Variants in TXNRD1 observed in about 807,000 individuals in gnomAD.
The protein encoded by TXNRD1 is thioredoxin reductase 1, cytoplasmic.
In TXNRD1, 57 loss-of-function variants were observed where a neutral mutation model predicts 80.3. The observed-to-expected ratio is 0.71, with a 90% confidence interval of 0.57 to 0.89. The LOEUF is 0.89. TXNRD1 is among the 40% of genes least tolerant of loss of function. The pLI is 0.00. For missense variants in TXNRD1, 730 were observed against 803.0 expected (o/e 0.91, Z 1.10); for synonymous variants, 291 against 285.2 (o/e 1.02, Z -0.20).
chr12:104,311,231 C>G, intron 4 of TXNRD1, 59 bp from the exon 5 acceptor site: 1 of 1,496,520 alleles, frequency 6.7e-7, no homozygotes, highest in South Asian at 1.3e-5. Flanking sequence ...TCTTACAAAG[C>G]TTTTTGGACA....
intron 4 of TXNRD1, among the ~76,000 whole-genome samples, chr12:104,293,858 G>C (rs562994071): frequency 6.6e-6 from 1 of 152,200 alleles, no homozygotes; most frequent in South Asian, 2.1e-4. Context: ...AAGGCAGAAG[G>C]GGCAGGGTAA....
chr12:104,312,350 C>T (rs1464223944), intron 5 of TXNRD1, among the ~76,000 whole-genome samples: 1 of 152,154 alleles, frequency 6.6e-6, no homozygotes, highest in Non-Finnish European at 1.5e-5. Flanking sequence ...GTGAGGACCC[C>T]TTGGGCCTGT....
At chr12:104,346,493 C>A (rs574282343) in intron 16 of TXNRD1, among the ~76,000 whole-genome samples, 1 of 152,286 alleles carries the variant, frequency 6.6e-6, no homozygotes, top group Non-Finnish European at 1.5e-5. Context: ...CCCAGGCTTG[C>A]AAATTGATAA....
At chr12:104,251,410 C>T in intron 1 of TXNRD1, 117 bp from the exon 2 acceptor site, 1 of 1,032,144 alleles carries the variant, frequency 9.7e-7, no homozygotes, top group East Asian at 2.6e-5. Flanking sequence ...CCTCAGATTC[C>T]TTATTTTGGC....
At chr12:104,345,545 A>C (rs1314895086) in intron 16 of TXNRD1, among the ~76,000 whole-genome samples, 1 of 152,214 alleles carries the variant, frequency 6.6e-6, no homozygotes, top group African/African-American at 2.4e-5. Context: ...CTGGGGCATT[A>C]GCAATGCATT....
intron 3 of TXNRD1, chr12:104,262,246 A>AG (rs1234682328): frequency 6.6e-6 from 1 of 151,480 alleles, no homozygotes; most frequent in East Asian, 1.9e-4. Flanking sequence ...AAAAAAAAAA[A>AG]AAAAAAAAAA....
Position 104,289,056 on chromosome 12 carries a change from GT to G in TXNRD1, c.414+17del. The G allele has an allele frequency of 6.2e-7, 1 of 1,606,450 alleles. No individual in the cohort carries two copies. Among genetic ancestry groups the G allele is most frequent in the South Asian group, 1.1e-5 (1 of 90,928 alleles). ...AACCTTGAAGGTAGGAGAGAGTAAC[GT>G]ATCTTTTTAAACGGGGGATGAGCTC... On this transcript the variant is annotated intron_variant, in intron 4 of 16. Coordinates refer to ENST00000525566, the MANE Select transcript of TXNRD1 (RefSeq NM_001093771.3).
At chr12:104,283,318 C>A (rs1334382112) in intron 3 of TXNRD1, among the ~76,000 whole-genome samples, 1 of 151,972 alleles carries the variant, frequency 6.6e-6, no homozygotes, top group African/African-American at 2.4e-5. Context: ...ATGGCATGAT[C>A]TCGGCTCACC....
chr12:104,286,736 C>T, intron 3 of TXNRD1: 1 of 1,016,664 alleles, frequency 9.8e-7, no homozygotes, highest in Non-Finnish European at 1.2e-6. Flanking sequence ...TGCCTTAGGG[C>T]ATAGTCTAAT....
chr12:104,347,900 A>T (rs1360881966), intron 16 of TXNRD1, among the ~76,000 whole-genome samples: 2 of 141,956 alleles, frequency 1.4e-5, no homozygotes, highest in Non-Finnish European at 3.3e-5. Context: ...AAAGCTTCTT[A>T]AAAAAACAAG....
intron 12 of TXNRD1, 79 bp from the exon 13 acceptor site, chr12:104,327,435 TC>T: frequency 6.9e-7 from 1 of 1,441,724 alleles, no homozygotes; most frequent in Non-Finnish European, 9.3e-7. Context: ...ATTTTGGGCT[TC>T]CCTGAAAAAA....
intron 4 of TXNRD1, among the ~76,000 whole-genome samples, chr12:104,308,727 G>A (rs1014544063): frequency 1.3e-5 from 2 of 151,998 alleles, no homozygotes; most frequent in Non-Finnish European, 2.9e-5. Context: ...GGAGGAGGAT[G>A]GGGGAATTTT....
At chr12:104,261,636 A>C (rs2033370680) in intron 3 of TXNRD1, among the ~76,000 whole-genome samples, 1 of 152,218 alleles carries the variant, frequency 6.6e-6, no homozygotes, top group Non-Finnish European at 1.5e-5. Context: ...TACTTCTGCC[A>C]AAACAACGTA....
chr12:104,308,416 A>G (rs547145683), intron 4 of TXNRD1, among the ~76,000 whole-genome samples: 1 of 152,254 alleles, frequency 6.6e-6, no homozygotes, highest in Non-Finnish European at 1.5e-5. Context: ...GTTGTCAGAC[A>G]TTAAAGAGAA....
chr12:104,259,920 C>T (rs2033330226), intron 3 of TXNRD1, among the ~76,000 whole-genome samples: 1 of 152,204 alleles, frequency 6.6e-6, no homozygotes, highest in South Asian at 2.1e-4. Context: ...GTGTTAGTCC[C>T]TGTTTTACAT....
intron 1 of TXNRD1, among the ~76,000 whole-genome samples, chr12:104,236,703 C>T (rs1021070442): frequency 8.7e-5 from 13 of 149,334 alleles, no homozygotes; most frequent in Admixed American, 7.4e-4. Context: ...GCTGGAGAAT[C>T]GCTTGAACCC....
intron 3 of TXNRD1, among the ~76,000 whole-genome samples, chr12:104,271,229 A>G (rs897010302): frequency 1.5e-5 from 2 of 132,880 alleles, no homozygotes; most frequent in Non-Finnish European, 3.1e-5. Flanking sequence ...TCTGTCGCCC[A>G]GGCTAGAGTG....
At chr12:104,307,483 T>C (rs972224600) in intron 4 of TXNRD1, among the ~76,000 whole-genome samples, 1 of 152,232 alleles carries the variant, frequency 6.6e-6, no homozygotes, top group African/African-American at 2.4e-5. Flanking sequence ...TATGCTAACA[T>C]GCATTATCTT....
At chr12:104,254,642 AAAATATAT>A (rs2033202810) in intron 2 of TXNRD1, among the ~76,000 whole-genome samples, 1 of 104,542 alleles carries the variant, frequency 9.6e-6, no homozygotes, top group African/African-American at 5.3e-5. Flanking sequence ...AAAAAAAAAA[AAAATATAT>A]ATATATATAT....
Sources: gnomAD v4.1 joint callset for allele counts (sites outside exome capture counted in the v4.1 genomes callset) on GRCh38, gnomAD v4.1.1 for gene constraint, MANE v1.5 for transcripts, NCBI Gene and HGNC (gene_info 2026-07-23, HGNC 2026-07-21) for gene names.